Variants in ZNF503 observed in about 807,000 individuals in gnomAD.
ZNF503 encodes the protein zinc finger protein 503.
Under a neutral mutation model 34.4 loss-of-function variants are expected in ZNF503, and 15 were observed. The ratio of observed to expected loss-of-function variants is 0.44; its 90% CI spans 0.29 to 0.67. The LOEUF is 0.67. Ranked by LOEUF, ZNF503 falls within the 30% of genes least tolerant of loss-of-function variation. The pLI, the probability that ZNF503 is intolerant of heterozygous loss-of-function variation, is 0.13. For synonymous variants in ZNF503, 580 were observed against 456.8 expected (o/e 1.27, Z -3.44); for missense variants, 1,007 against 926.8 (o/e 1.09, Z -1.12).
In ZNF503 at chr10:75,398,857, G is replaced by C. The variant is rs979173294; in HGVS notation, c.1833C>G (p.Pro611=). The C allele has an allele frequency of 2.6e-6, 4 of 1,510,060 alleles. No homozygotes were observed. The Admixed American group carries it at 6.8e-5, about 26-fold the overall frequency. 93.5% of individuals were successfully genotyped at this position (1,510,060 alleles called of 1,614,324 possible). Residue 611 remains proline (P), a synonymous_variant, in exon 2 of 2, where the codon CCC becomes CCG. Transcript: ENST00000372524. ...RYHPYSKSPL[P]TPGAPVPVPA... is the part of the protein sequence containing the mutation. ...GCACCGGCACGGGGGCGCCAGGCGT[G>C]GGAAGCGGGCTCTTGGAGTAGGGGT... is the stretch of plus-strand genomic sequence containing the variant.
chr10:75,401,385 C>CT lies in ZNF503; in HGVS notation c.34dup (p.Ser12LysfsTer3). The CT allele has an allele frequency of 6.5e-7, 1 of 1,539,338 alleles. No individual in the cohort carries two copies. Among genetic ancestry groups the CT allele is most frequent in the Non-Finnish European group, 8.7e-7 (1 of 1,146,358 alleles). ...GCCGCCGCCGCCGCTGTGCTTACTG[C>CT]TTCTTAGGGCAGAAAGCGAGGGCGC... On this transcript the variant is annotated frameshift_variant, in exon 1 of 2. Coordinates refer to ENST00000372524, the MANE Select transcript of ZNF503 (RefSeq NM_032772.6). LOFTEE classifies it high-confidence loss of function.
At chr10:75,395,321 G>A (rs943889233), downstream of ZNF503, among the ~76,000 whole-genome samples, 2 of 152,182 alleles carry the variant, frequency 1.3e-5, no homozygotes, top group African/African-American at 4.8e-5. This position sits in a 1 kb window ranked among gnomAD's most constrained non-coding sequence, Gnocchi z 4.4. Context: ...GAGACGGTTC[G>A]CAGCAGGAGA....
chr10:75,392,847 G>A (rs745617808), downstream of ZNF503, among the ~76,000 whole-genome samples: 3 of 152,210 alleles, frequency 2.0e-5, no homozygotes, highest in Admixed American at 6.5e-5. Context: ...GAACTAGGCA[G>A]TAGGTTGGCC....
chr10:75,315,465 A>G, the ZNF503 span, among the ~76,000 whole-genome samples: 2 of 152,246 alleles, frequency 1.3e-5, no homozygotes, highest in Non-Finnish European at 2.9e-5. Flanking sequence ...AGGGGTTGGA[A>G]GTAAAGTGTG....
chr10:75,340,230 A>G, the ZNF503 span, among the ~76,000 whole-genome samples: 1 of 152,114 alleles, frequency 6.6e-6, no homozygotes, highest in African/African-American at 2.4e-5. Context: ...TGGGCAACAT[A>G]GTGAGACCCT....
the ZNF503 span, among the ~76,000 whole-genome samples, chr10:75,329,270 A>G: frequency 2.6e-5 from 4 of 151,296 alleles, no homozygotes; most frequent in Admixed American, 2.6e-4. Context: ...GTATCCTGCA[A>G]CTTTGCTGAA....
At chr10:75,313,021 T>G in the ZNF503 span, among the ~76,000 whole-genome samples, 1 of 152,350 alleles carries the variant, frequency 6.6e-6, no homozygotes, top group East Asian at 1.9e-4. Context: ...TTACTCTTCC[T>G]TTGCCCTCTG....
the ZNF503 span, among the ~76,000 whole-genome samples, chr10:75,342,756 G>T: frequency 4.6e-5 from 7 of 152,122 alleles, no homozygotes; most frequent in South Asian, 4.1e-4. Context: ...GGCACTGGGG[G>T]AAGTGTTACT....
chr10:75,333,574 C>T, the ZNF503 span, among the ~76,000 whole-genome samples: 1 of 87,676 alleles, frequency 1.1e-5, no homozygotes, highest in Admixed American at 1.0e-4. Flanking sequence ...GGGCAGCTGG[C>T]CGGGCGGGGG....
the ZNF503 span, among the ~76,000 whole-genome samples, chr10:75,348,332 G>A: frequency 1.3e-5 from 2 of 152,028 alleles, no homozygotes; most frequent in African/African-American, 4.8e-5. Flanking sequence ...AAAGTGCTGG[G>A]ATTACAGACA....
At chr10:75,306,135 A>C in the ZNF503 span, among the ~76,000 whole-genome samples, 1 of 152,110 alleles carries the variant, frequency 6.6e-6, no homozygotes, top group East Asian at 1.9e-4. Flanking sequence ...TAGTGGCCCT[A>C]CCATTTTAAT....
chr10:75,399,380 C>T lies in ZNF503; in HGVS notation c.1310G>A (p.Cys437Tyr). 6.2e-7 allele frequency: 1 copy of T among 1,606,564 alleles called. No homozygotes were observed. Among genetic ancestry groups the T allele is most frequent in the African/African-American group, 1.3e-5 (1 of 74,962 alleles). ...CRDPYCLSYHCASHLAGAAAA... is the reference protein window; with the variant it reads ...CRDPYCLSYHYASHLAGAAAA... ...CGCCGCCCCTGCCAGGTGGCTAGCG[C>T]AGTGGTAGCTGAGGCAGTAAGGGTC... The change falls in exon 2 of 2, where the codon TGC becomes TAC. Residue 437 changes from cysteine (C) to tyrosine (Y), a missense_variant. Physicochemically the swap from Cys to Tyr is radical, Grantham distance 194. Transcript: ENST00000372524.
chr10:75,361,013 A>C, the ZNF503 span: 1 of 152,278 alleles, frequency 6.6e-6, no homozygotes. Flanking sequence ...ACTGTGGTGC[A>C]GGAGACAGCA....
chr10:75,339,796 G>A, the ZNF503 span, among the ~76,000 whole-genome samples: 1 of 152,226 alleles, frequency 6.6e-6, no homozygotes, highest in East Asian at 1.9e-4. Context: ...TAGCCTATAG[G>A]TCTTTTGCCA....
chr10:75,401,522 G>C lies in ZNF503; in HGVS notation c.-103C>G, dbSNP rs1223236346. 7.2e-7 allele frequency: 1 copy of C among 1,397,986 alleles called. No homozygotes were observed. Among genetic ancestry groups the C allele is most frequent in the African/African-American group, 1.5e-5 (1 of 66,192 alleles). The allele number at this position is 1,397,986 out of a possible 1,614,324, so 86.6% of individuals were successfully genotyped here. A position where few individuals can be genotyped will look rare whatever the true frequency, so the allele number is the denominator to read the frequency against. The stretch of plus-strand genomic sequence containing the variant: ...CCCGGGAGCAGGAGCAGCGGGAGGA[G>C]GAGGAGCTGGCGCGGCGGCCACGGG... On this transcript the variant is annotated 5_prime_UTR_variant, in exon 1 of 2. Coordinates refer to ENST00000372524, the MANE Select transcript of ZNF503 (RefSeq NM_032772.6).
the ZNF503 span, among the ~76,000 whole-genome samples, chr10:75,350,745 G>A: frequency 6.6e-6 from 1 of 151,920 alleles, no homozygotes; most frequent in African/African-American, 2.4e-5. Flanking sequence ...CTAGAGACAG[G>A]GTTTCACTAT....
chr10:75,298,336 T>C, the ZNF503 span, among the ~76,000 whole-genome samples: 1 of 152,338 alleles, frequency 6.6e-6, no homozygotes, highest in African/African-American at 2.4e-5. Context: ...CCCATATCTA[T>C]TCATAGTCAC....
At chr10:75,357,342 G>A in the ZNF503 span, among the ~76,000 whole-genome samples, 2 of 144,046 alleles carry the variant, frequency 1.4e-5, no homozygotes. Context: ...ACATAGTGAG[G>A]CTCCATCTTT....
At chr10:75,389,669 G>T in the ZNF503 span, among the ~76,000 whole-genome samples, 1 of 152,208 alleles carries the variant, frequency 6.6e-6, no homozygotes. Context: ...GGCAGAGGTT[G>T]CAGTGAGCTG....
Sources: allele counts gnomAD v4.1 joint callset (sites outside exome capture counted in the v4.1 genomes callset), GRCh38; gene constraint gnomAD v4.1.1; non-coding constraint Gnocchi (gnomAD v3.1); transcripts MANE v1.5; gene names NCBI Gene and HGNC (gene_info 2026-07-23, HGNC 2026-07-21).